The following CPED1 variants were observed in gnomAD, a reference collection of about 807,000 sequenced individuals.
The protein encoded by CPED1 is cadherin like and PC-esterase domain containing 1.
CPED1 carries 114 observed loss-of-function variants against 128.2 expected under a neutral mutation model. That is an observed-to-expected ratio of 0.89 (90% confidence interval 0.76 to 1.04). The LOEUF (loss-of-function observed/expected upper bound fraction) is 1.04, where lower values mean the gene tolerates loss of function less well. CPED1 is among the 50% of genes least tolerant of loss of function. CPED1 has a pLI of 0.00. For missense variants in CPED1, 1,211 were observed against 1,207.1 expected, an observed-to-expected ratio of 1.00 and a Z score of -0.05; for synonymous variants, 462 against 426.7, an observed-to-expected ratio of 1.08 and a Z score of -1.02.
At chr7:121,205,899 T>A (rs560095649) in intron 16 of CPED1, among the ~76,000 whole-genome samples, 64 of 152,192 alleles carry the variant, frequency 4.2e-4, no homozygotes, top group Admixed American at 9.2e-4. Context: ...AACAGGATGA[T>A]AAAAGCTGAT....
chr7:121,271,281 CAG>C lies in CPED1; in HGVS notation c.2722_2723del. 1 of 1,598,772 alleles carries C rather than the reference CAG, an allele frequency of 6.3e-7. No individual in the cohort carries two copies. Among genetic ancestry groups the C allele is most frequent in the Non-Finnish European group, 8.5e-7 (1 of 1,171,604 alleles). The stretch of plus-strand genomic sequence containing the variant: ...AATTCTCATTCTTCTGCTTTCCAAT[CAG>C]AGTGAAGTACAGAACTTATGGAAAG... On this transcript the variant is annotated splice_acceptor_variant, in intron 21 of 22. Transcript: ENST00000310396. LOFTEE classifies it high-confidence loss of function.
chr7:121,115,866 G>A (rs66729951), intron 7 of CPED1, among the ~76,000 whole-genome samples: 63,195 of 152,018 alleles, frequency 0.42, 15,004 homozygotes, highest in East Asian at 0.84. Flanking sequence ...AGGCATATAC[G>A]TAGAGAGTTC....
In CPED1 at chr7:121,036,507, A is replaced by ATAT. The variant is rs1449540146; in HGVS notation, c.434-10379_434-10378insATT. ...GGTGTGTGTATATATATATATATAT[A>ATAT]TTTTTTTTTTCTTTCTTTATCCACT... is the stretch of plus-strand genomic sequence containing the variant. On this transcript the variant is annotated intron_variant, in intron 3 of 22. Coordinates refer to ENST00000310396, the MANE Select transcript of CPED1 (RefSeq NM_024913.5). 6.9e-3 allele frequency among the ~76,000 whole-genome samples: 928 copies of ATAT among 133,838 alleles called. 8 individuals carry two copies. Among genetic ancestry groups the ATAT allele is most frequent in the East Asian group, 0.017 (75 of 4,332 alleles). 87.8% of individuals were successfully genotyped at this position (133,838 alleles called of 152,430 possible).
At chr7:121,077,337 AT>A (rs1794155723) in intron 5 of CPED1, among the ~76,000 whole-genome samples, 1 of 152,138 alleles carries the variant, frequency 6.6e-6, no homozygotes, top group South Asian at 2.1e-4. Flanking sequence ...CTGGACATGC[AT>A]TTTTTCATTC....
chr7:121,292,814 C>T (rs569856892), intron 22 of CPED1, among the ~76,000 whole-genome samples: 1 of 152,254 alleles, frequency 6.6e-6, no homozygotes, highest in East Asian at 1.9e-4. Flanking sequence ...AGAGGTCCAC[C>T]CCAGGCCCTG....
chr7:121,183,452 A>G (rs1796939404), intron 16 of CPED1, among the ~76,000 whole-genome samples: 1 of 152,168 alleles, frequency 6.6e-6, no homozygotes, highest in Admixed American at 6.6e-5. Context: ...GGAGGACAGT[A>G]TATGCTCTCA....
At chr7:121,217,749 C>T (rs1053131135) in intron 16 of CPED1, among the ~76,000 whole-genome samples, 3 of 151,932 alleles carry the variant, frequency 2.0e-5, no homozygotes, top group African/African-American at 7.2e-5. Context: ...ATTACATGTG[C>T]CTGTACCTCA....
At chr7:121,017,864 C>T (rs761081138) in intron 3 of CPED1, among the ~76,000 whole-genome samples, 12 of 152,082 alleles carry the variant, frequency 7.9e-5, no homozygotes, top group African/African-American at 1.2e-4. Context: ...ACTGCTGGGC[C>T]CAGCGGCATA....
At chr7:121,254,716 AGAT>A (rs1798764661) in intron 18 of CPED1, among the ~76,000 whole-genome samples, 1 of 152,014 alleles carries the variant, frequency 6.6e-6, no homozygotes, top group Admixed American at 6.6e-5. Context: ...TAAATGACAA[AGAT>A]GATATTACAA....
intron 3 of CPED1, among the ~76,000 whole-genome samples, chr7:121,045,901 GT>G (rs1793181795): frequency 6.6e-6 from 1 of 151,902 alleles, no homozygotes. Context: ...CATTTCTTCT[GT>G]TGCTTTTATT....
At chr7:121,164,373 A>C (rs1044296799) in intron 16 of CPED1, among the ~76,000 whole-genome samples, 15 of 152,220 alleles carry the variant, frequency 9.9e-5, no homozygotes, top group Admixed American at 7.9e-4. Flanking sequence ...CCCGAAAGAC[A>C]GTAGGACTAT....
At position 121,044,006 on chromosome 7, in the gene CPED1, T is replaced by C. The variant is rs2116895025; in HGVS notation, c.434-2881T>C. The stretch of plus-strand genomic sequence containing the variant: ...CCAAAGCCCCGCAATATATAGTAAT[T>C]TGTAATTGTGCTGAGGTACAAATTT... On this transcript the variant is annotated intron_variant, in intron 3 of 22. Coordinates refer to ENST00000310396, the MANE Select transcript of CPED1 (RefSeq NM_024913.5). Among the ~76,000 whole-genome samples, 3 of 152,230 alleles carry C rather than the reference T, an allele frequency of 2.0e-5. No homozygotes were observed. The South Asian group carries it at 6.2e-4, about 32-fold the overall frequency.
At chr7:121,060,010 T>C (rs908153939) in intron 4 of CPED1, among the ~76,000 whole-genome samples, 2 of 152,068 alleles carry the variant, frequency 1.3e-5, no homozygotes, top group African/African-American at 4.8e-5. Context: ...GCGCGGCGCT[T>C]GCGGGCCAGC....
intron 3 of CPED1, among the ~76,000 whole-genome samples, chr7:121,040,720 T>C (rs1245508008): frequency 6.6e-6 from 1 of 151,986 alleles, no homozygotes; most frequent in African/African-American, 2.4e-5. Context: ...CATATTATAT[T>C]ATAAAGGAAT....
intron 16 of CPED1, among the ~76,000 whole-genome samples, chr7:121,160,585 A>G (rs1796389834): frequency 6.6e-6 from 1 of 152,142 alleles, no homozygotes; most frequent in African/African-American, 2.4e-5. Flanking sequence ...CTGCTTAGTA[A>G]CAGGGTCTGA....
chr7:121,178,867 C>T (rs184903589), intron 16 of CPED1, among the ~76,000 whole-genome samples: 185 of 152,016 alleles, frequency 1.2e-3, no homozygotes, highest in African/African-American at 3.9e-3. Context: ...ATGTTGAGAC[C>T]GGGATTGGAG....
intron 2 of CPED1, among the ~76,000 whole-genome samples, chr7:121,006,249 T>C (rs1792012069): frequency 1.3e-5 from 2 of 152,082 alleles, no homozygotes; most frequent in Admixed American, 1.3e-4. Flanking sequence ...ACAAGGTCTT[T>C]CCTTGTCCTC....
At chr7:121,183,009 A>C (rs907302370) in intron 16 of CPED1, among the ~76,000 whole-genome samples, 1 of 152,016 alleles carries the variant, frequency 6.6e-6, no homozygotes, top group East Asian at 1.9e-4. Flanking sequence ...GAAAAAAAAA[A>C]CTCAGTTTTG....
intron 16 of CPED1, among the ~76,000 whole-genome samples, chr7:121,201,869 GATTTCCTCC>G (rs1257661189): frequency 6.6e-6 from 1 of 152,034 alleles, no homozygotes; most frequent in Non-Finnish European, 1.5e-5. Flanking sequence ...AGAAGAGAAA[GATTTCCTCC>G]ATTTCCTCCA....
Sources: gnomAD v4.1 joint callset for allele counts (sites outside exome capture counted in the v4.1 genomes callset) on GRCh38, gnomAD v4.1.1 for gene constraint, MANE v1.5 for transcripts, NCBI Gene and HGNC (gene_info 2026-07-23, HGNC 2026-07-21) for gene names.